Variants in NHSL2 observed in about 807,000 individuals in gnomAD.
The protein encoded by NHSL2 is NHS like 2.
A neutral mutation model predicts 53.4 loss-of-function variants in NHSL2; 27 were observed. That is an observed-to-expected ratio of 0.51 (90% CI 0.37 to 0.70). The LOEUF (loss-of-function observed/expected upper bound fraction) is 0.70, where lower values mean the gene tolerates loss of function less well. Ranked by LOEUF, NHSL2 falls within the 30% of genes least tolerant of loss-of-function variation. NHSL2 has a pLI of 0.00. For missense variants in NHSL2, 892 were observed against 980.1 expected (o/e 0.91, Z 1.20); for synonymous variants, 408 against 404.1 (o/e 1.01, Z -0.12).
At chrX:72,021,045 A>G (rs892692242) in intron 1 of NHSL2, among the ~76,000 whole-genome samples, 2 of 103,703 alleles carry the variant, frequency 1.9e-5, no homozygotes, top group Non-Finnish European at 3.8e-5. Flanking sequence ...GTGTACACAC[A>G]CACACGCGTG....
chrX:71,981,088 A>G (rs1489897239), intron 1 of NHSL2, among the ~76,000 whole-genome samples: 1 of 112,508 alleles, frequency 8.9e-6, no homozygotes, highest in African/African-American at 3.2e-5. Flanking sequence ...GTGTAGTTGT[A>G]TATCTTTGTA....
chrX:72,149,300 C>T lies in NHSL2; in HGVS notation c.*5726C>T, dbSNP rs953203970. 5.4e-4 allele frequency: 60 copies of T among 110,882 alleles called. No homozygotes were observed. Among genetic ancestry groups the T allele is most frequent in the African/African-American group, 1.9e-3 (57 of 30,522 alleles). 9.1% of individuals were successfully genotyped at this position (110,882 alleles called of 1,213,427 possible). A position where few individuals can be genotyped will look rare whatever the true frequency, so the allele number is the denominator to read the frequency against. On this transcript the variant is annotated 3_prime_UTR_variant, in exon 8 of 8. Transcript: ENST00000633930. ...CCAGCTCTTAAATACCTGTCTTTAC[C>T]GTGGTGGCTGTTCTCCAGTAAGGCT...
At chrX:71,963,949 C>CTATATATATA (rs1447693800) in intron 1 of NHSL2, among the ~76,000 whole-genome samples, 3 of 24,532 alleles carry the variant, frequency 1.2e-4, no homozygotes, top group African/African-American at 2.0e-4. Flanking sequence ...GGTGGAGTGG[C>CTATATATATA]TATATATATA....
rs73635614 is a variant in NHSL2, at chrX:72,048,088, A to G, written c.281-83991A>G. Among the ~76,000 whole-genome samples, 252 of 106,559 alleles carry G rather than the reference A, an allele frequency of 2.4e-3. 1 individual carries two copies. Among genetic ancestry groups the G allele is most frequent in the African/African-American group, 7.9e-3 (232 of 29,194 alleles). The allele number at this position is 106,559 out of a possible 115,157, so 92.5% of individuals were successfully genotyped here. A position where few individuals can be genotyped will look rare whatever the true frequency, so the allele number is the denominator to read the frequency against. On this transcript the variant is annotated intron_variant, in intron 1 of 7. Coordinates refer to ENST00000633930, the MANE Select transcript of NHSL2 (RefSeq NM_001013627.3). ...TCATGATGATAACAATAATAATAAT[A>G]ATAATAATAATAATAATAATAATAA...
chrX:71,972,586 C>T (rs1042175978), intron 1 of NHSL2, among the ~76,000 whole-genome samples: 3 of 111,972 alleles, frequency 2.7e-5, no homozygotes, highest in African/African-American at 9.7e-5. Context: ...AACTGTGATA[C>T]ATCTGGGCGT....
intron 1 of NHSL2, among the ~76,000 whole-genome samples, chrX:71,929,854 A>C (rs1236031536): frequency 9.1e-6 from 1 of 110,282 alleles, no homozygotes; most frequent in Non-Finnish European, 1.9e-5. Flanking sequence ...TCCCAGGCTC[A>C]AGTGATCCTC....
intron 1 of NHSL2, among the ~76,000 whole-genome samples, chrX:71,948,598 G>C (rs1008860726): frequency 1.3e-4 from 14 of 110,985 alleles, no homozygotes; most frequent in Non-Finnish European, 2.5e-4. Flanking sequence ...TTGGGAGGCC[G>C]AGGTGGGTGG....
intron 6 of NHSL2, 108 bp downstream of exon 6, chrX:72,140,879 A>T: frequency 1.5e-6 from 1 of 686,792 alleles, no homozygotes; most frequent in Non-Finnish European, 2.1e-6. Flanking sequence ...TCCTGATCCC[A>T]AGTCAGTAGC....
chrX:72,035,879 C>T (rs981108318), intron 1 of NHSL2, among the ~76,000 whole-genome samples: 3 of 111,819 alleles, frequency 2.7e-5, no homozygotes, highest in Non-Finnish European at 3.8e-5. Flanking sequence ...TGTTTGGAAC[C>T]GGGCAGCACA....
At chrX:72,047,407 C>G (rs1356032205) in intron 1 of NHSL2, among the ~76,000 whole-genome samples, 1 of 112,393 alleles carries the variant, frequency 8.9e-6, no homozygotes, top group Admixed American at 9.4e-5. Context: ...TTACTATGTT[C>G]CCATTCTCAG....
intron 1 of NHSL2, among the ~76,000 whole-genome samples, chrX:72,117,147 C>A (rs1211709996): frequency 9.2e-6 from 1 of 109,090 alleles, no homozygotes; most frequent in East Asian, 2.9e-4. Flanking sequence ...CCTATTTTCC[C>A]CTTTAAACTA....
At chrX:72,099,126 G>A (rs1177535188) in intron 1 of NHSL2, among the ~76,000 whole-genome samples, 1 of 111,538 alleles carries the variant, frequency 9.0e-6, no homozygotes, top group Admixed American at 9.6e-5. Context: ...GGACATTTAG[G>A]TAAAATAGAA....
At chrX:72,098,108 G>A (rs2041957286) in intron 1 of NHSL2, among the ~76,000 whole-genome samples, 1 of 112,257 alleles carries the variant, frequency 8.9e-6, no homozygotes, top group African/African-American at 3.2e-5. Flanking sequence ...GAATCGAGCA[G>A]TACCCAACCA....
intron 1 of NHSL2, among the ~76,000 whole-genome samples, chrX:72,014,206 T>G (rs1173186220): frequency 3.6e-5 from 4 of 112,234 alleles, no homozygotes; most frequent in Non-Finnish European, 7.5e-5. Flanking sequence ...GCTAGAGGTT[T>G]GTCAATCTTA....
intron 1 of NHSL2, among the ~76,000 whole-genome samples, chrX:72,095,481 G>T (rs781607565): frequency 8.9e-6 from 1 of 112,226 alleles, no homozygotes; most frequent in Admixed American, 9.4e-5. Flanking sequence ...GTCAGACCAA[G>T]AATTCTGATT....
At chrX:71,951,469 T>G (rs1441946403) in intron 1 of NHSL2, among the ~76,000 whole-genome samples, 2 of 112,082 alleles carry the variant, frequency 1.8e-5, no homozygotes, top group African/African-American at 6.5e-5. Context: ...CTGCACCATT[T>G]TGCATTCCCA....
At chrX:71,911,605 T>C (rs748366725) in intron 1 of NHSL2, among the ~76,000 whole-genome samples, 18 of 112,332 alleles carry the variant, frequency 1.6e-4, no homozygotes, top group South Asian at 7.4e-4. Flanking sequence ...CCCCGTGCCC[T>C]TGGGACTCCC....
intron 1 of NHSL2, among the ~76,000 whole-genome samples, chrX:72,004,810 C>T (rs762160000): frequency 1.8e-4 from 19 of 106,036 alleles, no homozygotes; most frequent in Non-Finnish European, 3.3e-4. Flanking sequence ...AGCCCAACTT[C>T]AGCAAGATAA....
chrX:72,065,361 G>A (rs899496361), intron 1 of NHSL2, among the ~76,000 whole-genome samples: 18 of 112,374 alleles, frequency 1.6e-4, no homozygotes, highest in African/African-American at 5.2e-4. Context: ...GGGCAGAGAA[G>A]GTTCATGAAT....
Sources: gnomAD v4.1 joint callset for allele counts (sites outside exome capture counted in the v4.1 genomes callset) on GRCh38, gnomAD v4.1.1 for gene constraint, MANE v1.5 for transcripts, NCBI Gene and HGNC (gene_info 2026-07-23, HGNC 2026-07-21) for gene names.